Variants in ACVRL1 observed in about 807,000 individuals in gnomAD.
The protein encoded by ACVRL1 is activin receptor type-1-like.
Under a neutral mutation model 51.9 loss-of-function variants are expected in ACVRL1, and 20 were observed. The ratio of observed to expected loss-of-function variants is 0.39; its 90% CI spans 0.27 to 0.56. The LOEUF (loss-of-function observed/expected upper bound fraction) is 0.56, where lower values mean the gene tolerates loss of function less well. Ranked by LOEUF, ACVRL1 falls within the 20% of genes least tolerant of loss-of-function variation. The pLI, the probability that ACVRL1 is intolerant of heterozygous loss-of-function variation, is 0.67. For missense variants in ACVRL1, 451 were observed against 670.3 expected (o/e 0.67, Z 3.61); for synonymous variants, 288 against 280.9 (o/e 1.03, Z -0.25).
At chr12:51,911,439 A>C (rs560250673) in intron 1 of ACVRL1, among the ~76,000 whole-genome samples, 1 of 152,294 alleles carries the variant, frequency 6.6e-6, no homozygotes, top group East Asian at 1.9e-4. Context: ...ACCCTTTCCT[A>C]GATGGCAAGG....
rs1940974897 is a variant in ACVRL1, at chr12:51,921,279, C to T, written c.*386C>T. ...CCCCTGCCCTTGATCAACCCCACTG[C>T]CCCACCAGAGCTGCCAGGGTGGCAC... is the stretch of plus-strand genomic sequence containing the variant. On this transcript the variant is annotated 3_prime_UTR_variant, in exon 10 of 10. Transcript: ENST00000388922. 13 of 338,032 alleles carry T rather than the reference C, an allele frequency of 3.8e-5. No individual in the cohort carries two copies. The highest frequency in any genetic ancestry group is 2.9e-4 in the South Asian group (12 of 40,818). The allele number at this position is 338,032 out of a possible 1,614,324, so 20.9% of individuals were successfully genotyped here.
chr12:51,911,640 T>G (rs1592220443), intron 1 of ACVRL1, among the ~76,000 whole-genome samples: 1 of 151,918 alleles, frequency 6.6e-6, no homozygotes, highest in East Asian at 1.9e-4. Context: ...TGATTAGGAG[T>G]CTGGAAACCT....
chr12:51,920,607 C>G (rs533950887), intron 9 of ACVRL1, 152 bp from the exon 10 acceptor site: 1 of 830,728 alleles, frequency 1.2e-6, no homozygotes, highest in Non-Finnish European at 2.0e-6. Context: ...TCCTTTCTCT[C>G]CTGCTTATGT....
intron 8 of ACVRL1, 46 bp from the exon 9 acceptor site, chr12:51,918,939 C>T (rs369949255): frequency 6.2e-7 from 1 of 1,614,154 alleles, no homozygotes; most frequent in Non-Finnish European, 8.5e-7. Context: ...GGTATTGGGC[C>T]TCCTTAGAGT....
intron 9 of ACVRL1, among the ~76,000 whole-genome samples, chr12:51,920,542 A>T (rs772003): frequency 6.6e-6 from 1 of 150,480 alleles, no homozygotes; most frequent in East Asian, 2.0e-4. Context: ...TCTCTCTCTC[A>T]CCACTTGTCT....
chr12:51,912,321 C>T, intron 1 of ACVRL1, 149 bp from the exon 2 acceptor site: 1 of 842,602 alleles, frequency 1.2e-6, no homozygotes, highest in Non-Finnish European at 2.0e-6. Context: ...AGGCCCCGCC[C>T]CAAAGCCAGG....
At chr12:51,912,066 C>G (rs1940700904) in intron 1 of ACVRL1, among the ~76,000 whole-genome samples, 1 of 152,052 alleles carries the variant, frequency 6.6e-6, no homozygotes, top group Non-Finnish European at 1.5e-5. Context: ...AAAGGGTAGG[C>G]AGGGGTGGAA....
At position 51,920,342 on chromosome 12, in the gene ACVRL1, C is replaced by T. The variant is rs1038380207; in HGVS notation, c.1378-417C>T. Among the ~76,000 whole-genome samples, 4 of 152,174 alleles carry T rather than the reference C, an allele frequency of 2.6e-5. No individual in the cohort carries two copies. The highest frequency in any genetic ancestry group is 2.1e-4 in the South Asian group (1 of 4,828). On this transcript the variant is annotated intron_variant, in intron 9 of 9. Coordinates refer to ENST00000388922, the MANE Select transcript of ACVRL1 (RefSeq NM_000020.3). ...GTGGGAGCCCCCAGGCTTGAAGAATCGGCCCCTTCCTATGGATCTTGGCAA... is the reference window on the plus strand; with the variant it reads ...GTGGGAGCCCCCAGGCTTGAAGAATTGGCCCCTTCCTATGGATCTTGGCAA...
intron 5 of ACVRL1, 26 bp downstream of exon 5, chr12:51,914,099 T>G: frequency 3.1e-6 from 5 of 1,605,934 alleles, no homozygotes; most frequent in Non-Finnish European, 4.3e-6. Flanking sequence ...GCCCGGTGGA[T>G]GAGGACCAAG....
intron 9 of ACVRL1, among the ~76,000 whole-genome samples, chr12:51,920,149 T>C (rs1037159728): frequency 3.9e-5 from 6 of 152,210 alleles, no homozygotes; most frequent in East Asian, 3.8e-4. Flanking sequence ...GATGGGTTGA[T>C]GAGCTTCCTG....
chr12:51,914,125 GGAGGGGT>G (rs1940768786), intron 5 of ACVRL1, 52 bp downstream of exon 5: 1 of 1,573,422 alleles, frequency 6.4e-7, no homozygotes, highest in Non-Finnish European at 8.7e-7. Flanking sequence ...TCATGAGCCT[GGAGGGGT>G]GAGGGAGTTT....
chr12:51,907,111 C>G (rs74094823), upstream of ACVRL1: 4,463 of 152,208 alleles, frequency 0.029, 220 homozygotes, highest in African/African-American at 0.1. The surrounding 1 kb of genome is among the most constrained non-coding windows in gnomAD (Gnocchi z 4.5). Context: ...TCCCCCTCTA[C>G]CCCCACCCAC....
rs888896265 is a variant in ACVRL1 at position 51,915,759 on chromosome 12, C to T, written c.1048+259C>T. ...GGAACCTGGGTTCTCATCCTGGTTT[C>T]GCCAGCCTCCAGGTCTGCTCTGTGA... On this transcript the variant is annotated intron_variant, in intron 7 of 9. Coordinates refer to ENST00000388922, the MANE Select transcript of ACVRL1 (RefSeq NM_000020.3). 1.3e-4 allele frequency: 85 copies of T among 649,958 alleles called. 2 individuals are homozygous for T. The Middle Eastern group carries it at 1.7e-3, about 13-fold the overall frequency. 40.3% of individuals were successfully genotyped at this position (649,958 alleles called of 1,614,324 possible).
chr12:51,914,354 G>A, intron 5 of ACVRL1, 85 bp from the exon 6 acceptor site: 2 of 1,589,748 alleles, frequency 1.3e-6, no homozygotes, highest in Non-Finnish European at 1.7e-6. Context: ...GTGGGCGAGG[G>A]AGGCAGCGCA....
At chr12:51,915,138 C>T (rs1940798009) in intron 6 of ACVRL1, 87 bp from the exon 7 acceptor site, 1 of 1,459,490 alleles carries the variant, frequency 6.9e-7, no homozygotes, top group African/African-American at 1.4e-5. Context: ...TCCATTCCCT[C>T]TCCCCCAACC....
At chr12:51,913,465 G>GGC in intron 3 of ACVRL1, 94 bp from the exon 4 acceptor site, 3 of 1,317,440 alleles carry the variant, frequency 2.3e-6, no homozygotes, top group African/African-American at 1.5e-5. Flanking sequence ...GAGCGGGTGG[G>GGC]CAGGACTCTG....
chr12:51,909,828 C>G (rs561250810), intron 1 of ACVRL1, among the ~76,000 whole-genome samples: 2 of 152,204 alleles, frequency 1.3e-5, no homozygotes, highest in African/African-American at 4.8e-5. Flanking sequence ...AATTAGTACT[C>G]AGAGAAGGTT....
chr12:51,910,316 G>T (rs138875079), intron 1 of ACVRL1, among the ~76,000 whole-genome samples: 3 of 152,214 alleles, frequency 2.0e-5, no homozygotes, highest in African/African-American at 7.2e-5. Context: ...ACCCAGCAGG[G>T]CCCTGTACAG....
chr12:51,913,510 G>A lies in ACVRL1; in HGVS notation c.314-49G>A, dbSNP rs200624173. 4.5e-6 allele frequency: 7 copies of A among 1,565,462 alleles called. No homozygotes were observed. In the African/African-American group the frequency reaches 9.5e-5, roughly 21 times the overall value. ...TGGCAGAGTGGTCTGGCCCGAGGTGGGGGGAGCTGACCTAGTGGAAGCTGA... is the reference window on the plus strand; with the variant it reads ...TGGCAGAGTGGTCTGGCCCGAGGTGAGGGGAGCTGACCTAGTGGAAGCTGA... On this transcript the variant is annotated intron_variant, in intron 3 of 9. Transcript: ENST00000388922.
Sources: allele counts gnomAD v4.1 joint callset (sites outside exome capture counted in the v4.1 genomes callset), GRCh38; gene constraint gnomAD v4.1.1; non-coding constraint Gnocchi (gnomAD v3.1); transcripts MANE v1.5; gene names NCBI Gene and HGNC (gene_info 2026-07-23, HGNC 2026-07-21).